ASIC2: variants seen among roughly 807,000 people sequenced by gnomAD.
ASIC2 encodes acid sensing ion channel subunit 2.
In ASIC2, 25 loss-of-function variants were observed where a neutral mutation model predicts 57.3. That is an observed-to-expected ratio of 0.44 (90% CI 0.32 to 0.61). The LOEUF is 0.61. Among genes scored for constraint, ASIC2 ranks in the 20% least tolerant of loss-of-function variants. ASIC2 has a pLI of 0.06. For synonymous variants in ASIC2, 319 were observed against 307.5 expected, an observed-to-expected ratio of 1.04 and a Z score of -0.39; for missense variants, 641 against 738.1, an observed-to-expected ratio of 0.87 and a Z score of 1.52.
At chr17:33,844,819 A>G (rs1913534052) in intron 1 of ASIC2, among the ~76,000 whole-genome samples, 1 of 152,224 alleles carries the variant, frequency 6.6e-6, no homozygotes, top group Non-Finnish European at 1.5e-5. Flanking sequence ...AATACTTACT[A>G]TGTGCTAGAT....
At chr17:34,089,212 T>C (rs574772931) in intron 1 of ASIC2, among the ~76,000 whole-genome samples, 1 of 152,316 alleles carries the variant, frequency 6.6e-6, no homozygotes, top group South Asian at 2.1e-4. Flanking sequence ...AACCAATATT[T>C]ATGAAGCATC....
chr17:34,075,853 C>CA (rs1909624809), intron 1 of ASIC2, among the ~76,000 whole-genome samples: 1 of 105,432 alleles, frequency 9.5e-6, no homozygotes, highest in African/African-American at 3.7e-5. Context: ...TTTTTTGAGA[C>CA]AGAGTCTTGC....
intron 3 of ASIC2, among the ~76,000 whole-genome samples, chr17:33,035,307 T>C (rs899241254): frequency 2.0e-5 from 3 of 152,228 alleles, no homozygotes; most frequent in African/African-American, 7.2e-5. Context: ...TAGATCTATT[T>C]CTATTGGTGG....
At chr17:33,380,216 A>G (rs1597706391) in intron 1 of ASIC2, among the ~76,000 whole-genome samples, 1 of 142,604 alleles carries the variant, frequency 7.0e-6, no homozygotes, top group African/African-American at 2.6e-5. Flanking sequence ...ACTGCACTCC[A>G]GCCCAAGCAA....
intron 1 of ASIC2, among the ~76,000 whole-genome samples, chr17:33,971,085 G>A (rs1259583078): frequency 6.6e-6 from 1 of 152,182 alleles, no homozygotes; most frequent in Non-Finnish European, 1.5e-5. Context: ...GGATGCGTGT[G>A]CAATGCGCAC....
At chr17:33,713,320 C>T (rs1237911549) in intron 1 of ASIC2, among the ~76,000 whole-genome samples, 1 of 152,148 alleles carries the variant, frequency 6.6e-6, no homozygotes, top group Non-Finnish European at 1.5e-5. Context: ...GGCTAAAAGT[C>T]CAAAACTGAA....
chr17:33,445,346 G>T (rs940151463), intron 1 of ASIC2, among the ~76,000 whole-genome samples: 1 of 152,224 alleles, frequency 6.6e-6, no homozygotes, highest in South Asian at 2.1e-4. Context: ...CACAATAATT[G>T]CTTGAACCTG....
intron 1 of ASIC2, chr17:33,932,727 A>T (rs1336631456): frequency 0.018 from 2,018 of 109,994 alleles, 68 homozygotes; most frequent in Middle Eastern, 0.07. Context: ...AAAAAAAAAA[A>T]AAAAAAAAAA....
chr17:34,106,461 C>T (rs1044908214), intron 1 of ASIC2, among the ~76,000 whole-genome samples: 3 of 151,944 alleles, frequency 2.0e-5, no homozygotes, highest in Non-Finnish European at 2.9e-5. Context: ...ATTAGTTGGC[C>T]CTCAGCATTC....
At chr17:33,950,692 C>T (rs915445047) in intron 1 of ASIC2, among the ~76,000 whole-genome samples, 3 of 152,206 alleles carry the variant, frequency 2.0e-5, no homozygotes, top group Non-Finnish European at 4.4e-5. Context: ...ATGACAGCCA[C>T]CTGAAAGGTC....
At chr17:33,333,703 A>G (rs1223505552) in intron 1 of ASIC2, among the ~76,000 whole-genome samples, 1 of 152,230 alleles carries the variant, frequency 6.6e-6, no homozygotes. Context: ...TAAGGACAAA[A>G]AAAAGCAATT....
At chr17:33,450,960 G>A (rs544002398) in intron 1 of ASIC2, among the ~76,000 whole-genome samples, 1 of 152,168 alleles carries the variant, frequency 6.6e-6, no homozygotes, top group Non-Finnish European at 1.5e-5. Context: ...TCTCTTAGCT[G>A]TCTTACCATA....
chr17:33,386,907 C>T (rs149946263), intron 1 of ASIC2, among the ~76,000 whole-genome samples: 2 of 152,238 alleles, frequency 1.3e-5, no homozygotes, highest in African/African-American at 4.8e-5. Context: ...TCGTGTGTGA[C>T]TGGCACTATG....
chr17:33,904,050 C>T (rs754270638), intron 1 of ASIC2, among the ~76,000 whole-genome samples: 2 of 149,980 alleles, frequency 1.3e-5, no homozygotes, highest in Non-Finnish European at 3.0e-5. Context: ...GTAATTCCAG[C>T]TACTCGGGAG....
intron 1 of ASIC2, among the ~76,000 whole-genome samples, chr17:33,129,403 C>G (rs542377355): frequency 4.6e-5 from 7 of 152,160 alleles, no homozygotes; most frequent in Non-Finnish European, 1.0e-4. Context: ...GAGAGAATCA[C>G]GCCTGCTATC....
At chr17:34,132,325 T>C (rs1433105127) in intron 1 of ASIC2, among the ~76,000 whole-genome samples, 1 of 152,084 alleles carries the variant, frequency 6.6e-6, no homozygotes, top group Admixed American at 6.6e-5. Context: ...CAGCAAGATT[T>C]ATTGTGAAGA....
At chr17:33,955,840 G>C (rs947689351) in intron 1 of ASIC2, among the ~76,000 whole-genome samples, 14 of 152,144 alleles carry the variant, frequency 9.2e-5, no homozygotes, top group Non-Finnish European at 1.9e-4. Context: ...TTCTGTAGTA[G>C]CTACTACTTC....
intron 1 of ASIC2, among the ~76,000 whole-genome samples, chr17:34,114,879 G>A (rs2142114154): frequency 6.6e-6 from 1 of 152,234 alleles, no homozygotes; most frequent in Non-Finnish European, 1.5e-5. Context: ...AGTCCAGCAG[G>A]TGCCAGGACA....
chr17:33,603,997 C>T (rs1905168543), intron 1 of ASIC2, among the ~76,000 whole-genome samples: 1 of 152,166 alleles, frequency 6.6e-6, no homozygotes, highest in South Asian at 2.1e-4. Context: ...CCTCACTCTG[C>T]CCACATCCCA....
Sources: gnomAD v4.1 joint callset for allele counts (sites outside exome capture counted in the v4.1 genomes callset) on GRCh38, gnomAD v4.1.1 for gene constraint, MANE v1.5 for transcripts, NCBI Gene and HGNC (gene_info 2026-07-23, HGNC 2026-07-21) for gene names.